Variants in AMY2B observed in about 807,000 individuals in gnomAD.
The protein encoded by AMY2B is amylase alpha 2B.
Under a neutral mutation model 59.3 loss-of-function variants are expected in AMY2B, and 63 were observed. The ratio of observed to expected loss-of-function variants is 1.06; its 90% CI spans 0.87 to 1.31. AMY2B has a LOEUF of 1.31. Ranked by LOEUF, AMY2B falls within the 50% of genes most tolerant of loss-of-function variation. The probability of loss-of-function intolerance (pLI) is 0.00; values close to 1 mark genes in which losing one functional copy is unlikely to be tolerated. For synonymous variants in AMY2B, 180 were observed against 198.1 expected (o/e 0.91, Z 0.77); for missense variants, 635 against 626.7 (o/e 1.01, Z -0.14).
intron 1 of AMY2B, among the ~76,000 whole-genome samples, chr1:103,564,693 T>A (rs2101064988): frequency 6.6e-6 from 1 of 152,296 alleles, no homozygotes; most frequent in South Asian, 2.1e-4. Flanking sequence ...TAGCATCTGT[T>A]CTGTTCAGTG....
chr1:103,556,337 T>A (rs745343193), intron 1 of AMY2B, among the ~76,000 whole-genome samples: 5 of 152,092 alleles, frequency 3.3e-5, no homozygotes, highest in African/African-American at 4.8e-5. Context: ...TGATGAGATG[T>A]TGTTACATTT....
chr1:103,576,139 A>C (rs1031929754), intron 7 of AMY2B, among the ~76,000 whole-genome samples: 5 of 152,216 alleles, frequency 3.3e-5, no homozygotes, highest in Non-Finnish European at 7.4e-5. Context: ...AGTTTCAAAA[A>C]GGAACAGAGA....
chr1:103,561,363 G>A (rs1294121255), intron 1 of AMY2B, among the ~76,000 whole-genome samples: 1 of 152,072 alleles, frequency 6.6e-6, no homozygotes, highest in Admixed American at 6.6e-5. Context: ...CACCTCCTGG[G>A]TTCAAGCAAT....
chr1:103,559,036 A>G (rs902562317), intron 1 of AMY2B, among the ~76,000 whole-genome samples: 1 of 152,218 alleles, frequency 6.6e-6, no homozygotes, highest in African/African-American at 2.4e-5. Flanking sequence ...TACATTGTAT[A>G]TAAAAGACTC....
At chr1:103,571,998 G>C (rs1351753630) in intron 1 of AMY2B, 112 bp from the exon 2 acceptor site, 1 of 1,563,900 alleles carries the variant, frequency 6.4e-7, no homozygotes, top group East Asian at 2.3e-5. Context: ...ATTTTCAAGA[G>C]ATAGCTGCAT....
chr1:103,576,922 A>G (rs1280002242), intron 7 of AMY2B, among the ~76,000 whole-genome samples: 1 of 152,278 alleles, frequency 6.6e-6, no homozygotes, highest in Admixed American at 6.5e-5. Flanking sequence ...ATGACATTGC[A>G]TGGCTTACAG....
In AMY2B at chr1:103,577,485, T is replaced by C; in HGVS notation, c.1102-5T>C. ...TAAAATTTGGCTTTTCACCCCCTAA[T>C]TAAGGATGTTAATGATTGGGTTGGG... On this transcript the variant is annotated splice_polypyrimidine_tract_variant and splice_region_variant and intron_variant, in intron 7 of 9. Transcript: ENST00000684275. 1 of 1,611,870 alleles carries C rather than the reference T, an allele frequency of 6.2e-7. No homozygotes were observed. Among genetic ancestry groups the C allele is most frequent in the Non-Finnish European group, 8.5e-7 (1 of 1,179,770 alleles).
intron 1 of AMY2B, among the ~76,000 whole-genome samples, chr1:103,558,779 A>G (rs1487040764): frequency 2.0e-5 from 3 of 150,908 alleles, no homozygotes; most frequent in Non-Finnish European, 4.4e-5. Flanking sequence ...AAAAAAAAAA[A>G]GCTGTCATTA....
chr1:103,579,278 T>C, intron 9 of AMY2B, 33 bp from the exon 10 acceptor site: 1 of 1,611,618 alleles, frequency 6.2e-7, no homozygotes, highest in South Asian at 1.1e-5. Context: ...ATTTTCAGTG[T>C]ATTGAAGTTA....
At chr1:103,575,646 T>C in intron 7 of AMY2B, 106 bp downstream of exon 7, 3 of 1,503,960 alleles carry the variant, frequency 2.0e-6, no homozygotes, top group Non-Finnish European at 2.7e-6. Context: ...AAATAATTGA[T>C]TAGAAACCTG....
intron 7 of AMY2B, among the ~76,000 whole-genome samples, chr1:103,576,867 T>C (rs954664776): frequency 2.8e-4 from 42 of 152,206 alleles, no homozygotes; most frequent in African/African-American, 9.2e-4. Context: ...ATAGAGCCTA[T>C]GTTTTAATCC....
At chr1:103,566,208 G>T (rs938996845) in intron 2 of AMY2B, among the ~76,000 whole-genome samples, 5 of 152,082 alleles carry the variant, frequency 3.3e-5, no homozygotes. Flanking sequence ...CTGTCAGAAA[G>T]AACTTTTCCT....
chr1:103,562,421 C>T (rs1463262224), intron 1 of AMY2B, among the ~76,000 whole-genome samples: 1 of 152,156 alleles, frequency 6.6e-6, no homozygotes, highest in East Asian at 1.9e-4. Context: ...AAAAGAAAAA[C>T]AGAAAACTGT....
At chr1:103,566,318 T>C (rs1419523743) in intron 2 of AMY2B, among the ~76,000 whole-genome samples, 1 of 152,148 alleles carries the variant, frequency 6.6e-6, no homozygotes, top group African/African-American at 2.4e-5. Context: ...ATCCCTTCTC[T>C]AACTGAACAT....
upstream of AMY2B, chr1:103,569,044 G>A (rs994395484): frequency 1.3e-5 from 2 of 151,966 alleles, no homozygotes; most frequent in Admixed American, 1.3e-4. Context: ...TGAGCAAAAG[G>A]GGGAAAAGCC....
upstream of AMY2B, chr1:103,569,660 G>A: frequency 2.6e-6 from 1 of 387,202 alleles, no homozygotes; most frequent in Non-Finnish European, 5.2e-6. Flanking sequence ...CATCATCGGT[G>A]CCCCCGGCAC....
chr1:103,563,069 TGG>T (rs1651786543), intron 1 of AMY2B, among the ~76,000 whole-genome samples: 1 of 152,080 alleles, frequency 6.6e-6, no homozygotes, highest in African/African-American at 2.4e-5. Context: ...CCTCAGAAAC[TGG>T]CTAATTTTGA....
intron 2 of AMY2B, among the ~76,000 whole-genome samples, chr1:103,566,291 T>C (rs1464177313): frequency 6.6e-6 from 1 of 152,186 alleles, no homozygotes; most frequent in Non-Finnish European, 1.5e-5. Context: ...TTATTGTTTG[T>C]TTTTGTGTAT....
intron 1 of AMY2B, among the ~76,000 whole-genome samples, chr1:103,556,869 A>G (rs1651568776): frequency 6.6e-6 from 1 of 152,106 alleles, no homozygotes; most frequent in Non-Finnish European, 1.5e-5. Context: ...GAGTAATGGA[A>G]AGCTCTTTAA....
Sources: gnomAD v4.1 joint callset for allele counts (sites outside exome capture counted in the v4.1 genomes callset) on GRCh38, gnomAD v4.1.1 for gene constraint, MANE v1.5 for transcripts, NCBI Gene and HGNC (gene_info 2026-07-23, HGNC 2026-07-21) for gene names.